The following GALNT16 variants were observed in gnomAD, a reference collection of about 807,000 sequenced individuals.
GALNT16 encodes the protein polypeptide N-acetylgalactosaminyltransferase 16, also known as UDP-GalNAc:polypeptide N-acetylgalactosaminyltransferase-like protein 1.
Under a neutral mutation model 76.1 loss-of-function variants are expected in GALNT16, and 40 were observed. The ratio of observed to expected loss-of-function variants is 0.53; its 90% CI spans 0.41 to 0.68. The LOEUF (loss-of-function observed/expected upper bound fraction) is 0.68, where lower values mean the gene tolerates loss of function less well. Among genes scored for constraint, GALNT16 ranks in the 30% least tolerant of loss-of-function variants. The probability of loss-of-function intolerance (pLI) is 0.00; values close to 1 mark genes in which losing one functional copy is unlikely to be tolerated. For synonymous variants in GALNT16, 276 were observed against 285.2 expected (o/e 0.97, Z 0.32); for missense variants, 621 against 731.9 (o/e 0.85, Z 1.75).
chr14:69,352,081 C>T lies in GALNT16; in HGVS notation c.1590C>T (p.Cys530=), dbSNP rs2045644673. The T allele has an allele frequency of 1.2e-6, 2 of 1,613,754 alleles. No homozygotes were observed. Residue 530 remains cysteine, a synonymous_variant, in exon 15 of 15, where the codon TGC becomes TGT. Transcript: ENST00000448469. ...SFIQHSVSGL[C]LETKPAQLVT... is the part of the protein sequence containing the mutation. ...TCCAGCATTCAGTCAGTGGCCTCTG[C>T]CTGGAGACAAAGCCTGCCCAGCTGG...
intron 9 of GALNT16, among the ~76,000 whole-genome samples, chr14:69,336,113 G>A (rs759385291): frequency 2.0e-5 from 3 of 152,004 alleles, no homozygotes; most frequent in Admixed American, 6.6e-5. Context: ...TGGGCTGCAC[G>A]GCCTCCTTTT....
Position 69,333,058 on chromosome 14 carries a change from C to G in GALNT16, c.779-27C>G. 2.6e-6 allele frequency: 4 copies of G among 1,554,688 alleles called. No homozygotes were observed. Among genetic ancestry groups the G allele is most frequent in the Non-Finnish European group, 3.6e-6 (4 of 1,125,752 alleles). On this transcript the variant is annotated intron_variant, in intron 7 of 14. Transcript: ENST00000448469. This position sits in a 1 kb window ranked among gnomAD's most constrained non-coding sequence, Gnocchi z 4.2. ...GCAGCCCGCAGCTCTGCCCTGAGCT[C>G]TGTCCTCACCTTGCTGTGTCCCTTA...
chr14:69,278,157 C>T (rs1358341554), intron 1 of GALNT16, among the ~76,000 whole-genome samples: 1 of 152,058 alleles, frequency 6.6e-6, no homozygotes. Flanking sequence ...TACAGGTGCA[C>T]ACCACCATGC....
At chr14:69,280,329 G>A (rs11158800) in intron 1 of GALNT16, among the ~76,000 whole-genome samples, 82,979 of 151,998 alleles carry the variant, frequency 0.55, 22,966 homozygotes, top group South Asian at 0.71. Context: ...CATTCAGTGT[G>A]GTGTTCTCAG....
chr14:69,309,143 A>G (rs9672058), intron 1 of GALNT16, among the ~76,000 whole-genome samples: 93,637 of 151,726 alleles, frequency 0.62, 29,055 homozygotes, highest in South Asian at 0.76. Flanking sequence ...CTTTTTTAAC[A>G]TGTACTTATA....
chr14:69,339,677 CA>C, intron 11 of GALNT16, 58 bp downstream of exon 11: 1 of 1,090,562 alleles, frequency 9.2e-7, no homozygotes, highest in Non-Finnish European at 1.4e-6. Context: ...ACAACCCCAG[CA>C]AAATACGAAG....
At chr14:69,322,981 T>TGTGTGTGTGTGC (rs1196943800) in intron 2 of GALNT16, among the ~76,000 whole-genome samples, 20 of 28,322 alleles carry the variant, frequency 7.1e-4, no homozygotes, top group South Asian at 4.6e-3. Flanking sequence ...TGTGTGTGTG[T>TGTGTGTGTGTGC]GCGCGCGCAC....
At chr14:69,271,455 C>T (rs999755490) in intron 1 of GALNT16, among the ~76,000 whole-genome samples, 3 of 152,156 alleles carry the variant, frequency 2.0e-5, no homozygotes, top group African/African-American at 7.2e-5. Flanking sequence ...TCAGAGGAGC[C>T]GGCCCCTGGG....
intron 1 of GALNT16, among the ~76,000 whole-genome samples, chr14:69,293,055 T>A (rs959849802): frequency 6.6e-6 from 1 of 150,640 alleles, no homozygotes; most frequent in Non-Finnish European, 1.5e-5. Flanking sequence ...TTACATTATG[T>A]CCTCCTTGCA....
chr14:69,295,931 G>C (rs1398950681), intron 1 of GALNT16, among the ~76,000 whole-genome samples: 1 of 152,076 alleles, frequency 6.6e-6, no homozygotes, highest in Non-Finnish European at 1.5e-5. Context: ...CCACCGTTTT[G>C]TTCATGGACC....
chr14:69,270,668 T>C (rs1490259352), intron 1 of GALNT16, among the ~76,000 whole-genome samples: 3 of 152,192 alleles, frequency 2.0e-5, no homozygotes. Flanking sequence ...AGCGGTCCGT[T>C]CCAGGGGGCT....
intron 1 of GALNT16, among the ~76,000 whole-genome samples, chr14:69,310,427 C>A (rs1185732717): frequency 6.6e-6 from 1 of 152,240 alleles, no homozygotes; most frequent in South Asian, 2.1e-4. Flanking sequence ...TATGTCTTTA[C>A]ATCACTGAAT....
In GALNT16 at chr14:69,311,690, G is replaced by A. The variant is rs148478641; in HGVS notation, c.178-9021G>A. 6.3e-4 allele frequency among the ~76,000 whole-genome samples: 96 copies of A among 152,142 alleles called. 3 individuals carry two copies. In the East Asian group the frequency reaches 0.014, roughly 23 times the overall value. ...CACAGTGCCAATAATGTGCCATATC[G>A]GCCACTACTCTGTTTTTGGCTCTCT... On this transcript the variant is annotated intron_variant, in intron 1 of 14. Coordinates refer to ENST00000448469, the MANE Select transcript of GALNT16 (RefSeq NM_001168368.2).
At chr14:69,316,396 G>C (rs763047834) in intron 1 of GALNT16, among the ~76,000 whole-genome samples, 2 of 152,216 alleles carry the variant, frequency 1.3e-5, no homozygotes, top group Non-Finnish European at 2.9e-5. Flanking sequence ...CCCTGCCCTA[G>C]TGAAGCTTAT....
intron 13 of GALNT16, 70 bp from the exon 14 acceptor site, chr14:69,347,807 C>T (rs75949794): frequency 7.8e-6 from 12 of 1,543,576 alleles, no homozygotes; most frequent in Admixed American, 1.8e-5. Flanking sequence ...TTTGCTTTAT[C>T]CCCTATCTAC....
At chr14:69,302,018 G>A (rs1016581946) in intron 1 of GALNT16, among the ~76,000 whole-genome samples, 5 of 152,100 alleles carry the variant, frequency 3.3e-5, no homozygotes, top group African/African-American at 1.2e-4. Flanking sequence ...TCTCAAGAGG[G>A]ATTCTTAACA....
Position 69,341,683 on chromosome 14 carries a change from T to C in GALNT16, c.1190T>C (p.Val397Ala), listed in dbSNP as rs1230010112. The change falls in exon 12 of 15, where the codon GTG becomes GCG. Residue 397 changes from valine (V) to alanine (A), a missense_variant and splice_region_variant. Physicochemically the swap from Val to Ala is moderately conservative, Grantham distance 64. Coordinates refer to ENST00000448469, the MANE Select transcript of GALNT16 (RefSeq NM_001168368.2). ...PSAIGKAFGS[V>A]ATRIEQRKKM... ...CCAAGCCCTGCCTCCTCCTACAGTG[T>C]GGCTACGCGGATAGAGCAGAGGAAG... is the stretch of plus-strand genomic sequence containing the variant. 1.2e-6 allele frequency: 2 copies of C among 1,609,386 alleles called. No homozygotes were observed. The highest frequency in any genetic ancestry group is 1.7e-6 in the Non-Finnish European group (2 of 1,176,874).
chr14:69,262,237 G>A (rs959716238), intron 1 of GALNT16, among the ~76,000 whole-genome samples: 3 of 152,224 alleles, frequency 2.0e-5, no homozygotes, highest in Non-Finnish European at 4.4e-5. Flanking sequence ...GGAGGGAAGA[G>A]AGCACAGGAG....
intron 9 of GALNT16, among the ~76,000 whole-genome samples, chr14:69,334,465 G>A (rs1185035876): frequency 6.6e-6 from 1 of 152,218 alleles, no homozygotes; most frequent in Non-Finnish European, 1.5e-5. Flanking sequence ...GATAAAGGGT[G>A]AGCATCAGTT....
Sources: allele counts gnomAD v4.1 joint callset (sites outside exome capture counted in the v4.1 genomes callset), GRCh38; gene constraint gnomAD v4.1.1; non-coding constraint Gnocchi (gnomAD v3.1); transcripts MANE v1.5; gene names NCBI Gene and HGNC (gene_info 2026-07-23, HGNC 2026-07-21).